PXDN: variants seen among roughly 807,000 people sequenced by gnomAD.
The protein encoded by PXDN is peroxidasin homolog.
Under a neutral mutation model 140.3 loss-of-function variants are expected in PXDN, and 77 were observed. The ratio of observed to expected loss-of-function variants is 0.55; its 90% CI spans 0.46 to 0.66. The LOEUF is 0.66. Ranked by LOEUF, PXDN falls within the 30% of genes least tolerant of loss-of-function variation. PXDN has a pLI of 0.00. For missense variants in PXDN, 1,838 were observed against 2,039.5 expected (o/e 0.90, Z 1.90); for synonymous variants, 911 against 857.4 (o/e 1.06, Z -1.09).
intron 8 of PXDN, 58 bp downstream of exon 8, chr2:1,676,869 G>A (rs1162941356): frequency 1.3e-6 from 2 of 1,493,684 alleles, no homozygotes; most frequent in East Asian, 2.4e-5. Context: ...TGTGGTTTGG[G>A]TGTCTGAGTG....
At chr2:1,699,790 C>A (rs74864432) in intron 1 of PXDN, among the ~76,000 whole-genome samples, 3 of 152,088 alleles carry the variant, frequency 2.0e-5, no homozygotes, top group Non-Finnish European at 2.9e-5. Flanking sequence ...TACACTATAT[C>A]GTTCGGTTCG....
In PXDN at chr2:1,675,347, C is replaced by T. The variant is rs193061210; in HGVS notation, c.849-1535G>A. On this transcript the variant is annotated intron_variant, in intron 8 of 22. Transcript: ENST00000252804. ...ATATTTAGCTGTGAGATTTCAACTG[C>T]GGGCATCAATTTTTTCGTATATAAA... 4.5e-3 allele frequency among the ~76,000 whole-genome samples: 690 copies of T among 152,290 alleles called. 2 individuals carry two copies. The highest frequency in any genetic ancestry group is 8.0e-3 in the Non-Finnish European group (541 of 68,030).
chr2:1,677,039 G>A lies in PXDN; in HGVS notation c.736C>T (p.Pro246Ser). The A allele has an allele frequency of 1.3e-6, 2 of 1,593,360 alleles. No individual in the cohort carries two copies. The highest frequency in any genetic ancestry group is 1.7e-6 in the Non-Finnish European group (2 of 1,166,996). The change falls in exon 8 of 23, where the codon CCC becomes TCC. Residue 246 changes from proline (P) to serine (S), a missense_variant. Pro to Ser is a moderately conservative substitution (Grantham distance 74). Coordinates refer to ENST00000252804, the MANE Select transcript of PXDN (RefSeq NM_012293.3). ...ITPEELNCER[P>S]RITSEPQDAD... ...TCCTGGGGCTCGGAGGTGATCCGGG[G>A]CCTTTCTGTGCCCAACCAGAAAATG...
chr2:1,704,925 T>C (rs987615709), intron 1 of PXDN, among the ~76,000 whole-genome samples: 14 of 152,104 alleles, frequency 9.2e-5, no homozygotes, highest in East Asian at 1.9e-4. Context: ...GGAGCAACCA[T>C]TATCACATGA....
chr2:1,658,796 C>A (rs779065751), intron 14 of PXDN, among the ~76,000 whole-genome samples: 2 of 138,494 alleles, frequency 1.4e-5, no homozygotes, highest in African/African-American at 2.8e-5. Flanking sequence ...GACCCCCCCA[C>A]TCTACTCTCC....
intron 13 of PXDN, among the ~76,000 whole-genome samples, 190 bp downstream of exon 13, chr2:1,661,882 T>G (rs1249948850): frequency 6.6e-6 from 1 of 152,218 alleles, no homozygotes; most frequent in Non-Finnish European, 1.5e-5. Flanking sequence ...ATGTTTTTCT[T>G]TCTGCTACAG....
Position 1,693,108 on chromosome 2 carries a change from T to C in PXDN, c.227A>G (p.Glu76Gly), listed in dbSNP as rs767982785. 9 of 1,558,360 alleles carry C rather than the reference T, an allele frequency of 5.8e-6. No individual in the cohort carries two copies. The highest frequency in any genetic ancestry group is 7.8e-6 in the Non-Finnish European group (9 of 1,149,436). ...CCGCCTGAATGCCCCAGGTTGGATC[T>C]CTCTGATTCTGTTAAAGCGAAGATC... Reference protein sequence around the residue: ...ILDLRFNRIREIQPGAFRRLR... With the variant: ...ILDLRFNRIRGIQPGAFRRLR... The change falls in exon 2 of 23, where the codon GAG becomes GGG. Residue 76 changes from glutamate to glycine, a missense_variant. Around this residue, in one of 5 missense-constraint regions of PXDN, gnomAD observed 231 missense variants for 201.5 expected, o/e 1.15. Transcript: ENST00000252804.
chr2:1,738,906 T>C (rs1685477474), intron 1 of PXDN, among the ~76,000 whole-genome samples: 1 of 152,244 alleles, frequency 6.6e-6, no homozygotes, highest in African/African-American at 2.4e-5. Flanking sequence ...AGACTGGAAT[T>C]CTGTCTTTGT....
Position 1,653,650 on chromosome 2 carries a change from C to T in PXDN, c.2082G>A (p.Leu694=). The T allele has an allele frequency of 6.2e-7, 1 of 1,612,810 alleles. No homozygotes were observed. The highest frequency in any genetic ancestry group is 1.6e-4 in the Middle Eastern group (1 of 6,062). The part of the protein sequence containing the change: ...QLIQEHVQHG[L]MVDLNGTSYH... ...GACTTGTTCCGTTGAGGTCGACCAT[C>T]AAGCCATGCTGTACATGCTCCTGAA... Residue 694 remains leucine, a synonymous_variant, in exon 16 of 23, where the codon TTG becomes TTA. Transcript: ENST00000252804.
At chr2:1,718,718 TC>T (rs1435159485) in intron 1 of PXDN, among the ~76,000 whole-genome samples, 1 of 152,168 alleles carries the variant, frequency 6.6e-6, no homozygotes, top group Non-Finnish European at 1.5e-5. Flanking sequence ...GCGTGTGTGG[TC>T]CCTTTACGGC....
At chr2:1,684,409 A>G (rs1230568799) in intron 4 of PXDN, among the ~76,000 whole-genome samples, 3 of 152,202 alleles carry the variant, frequency 2.0e-5, no homozygotes, top group African/African-American at 7.2e-5. Flanking sequence ...GAGGTCCTTG[A>G]CACCGCGTGA....
chr2:1,744,136 C>A, intron 1 of PXDN, 120 bp downstream of exon 1: 2 of 1,057,220 alleles, frequency 1.9e-6, no homozygotes, highest in Non-Finnish European at 2.5e-6. Context: ...AGTCCCCAGG[C>A]CCCCCGCGCG....
At chr2:1,666,569 T>C in intron 9 of PXDN, 83 bp from the exon 10 acceptor site, 1 of 1,436,440 alleles carries the variant, frequency 7.0e-7, no homozygotes, top group African/African-American at 1.4e-5. Flanking sequence ...GTCAGGCTAT[T>C]AATTCTATTT....
chr2:1,677,323 C>T (rs569345046), intron 7 of PXDN, among the ~76,000 whole-genome samples: 11 of 152,336 alleles, frequency 7.2e-5, no homozygotes, highest in South Asian at 2.1e-4. Context: ...TGACAGCCTT[C>T]GGCGTCCCCT....
chr2:1,639,012 T>C lies in PXDN; in HGVS notation c.4074-34A>G, dbSNP rs372454985. 1.9e-6 allele frequency: 3 copies of C among 1,610,956 alleles called. No individual in the cohort carries two copies. The highest frequency in any genetic ancestry group is 1.7e-4 in the Middle Eastern group (1 of 5,982). On this transcript the variant is annotated intron_variant, in intron 20 of 22. Transcript: ENST00000252804. The surrounding 1 kb of genome is among the most constrained non-coding windows in gnomAD (Gnocchi z 5.0). ...AGGGGAAAGGAGGAGGAGGGAAATA[T>C]AACCTTGGCAGGTCACGCCGGGTCT...
chr2:1,694,773 C>T (rs1057165047), intron 1 of PXDN, among the ~76,000 whole-genome samples: 2 of 152,152 alleles, frequency 1.3e-5, no homozygotes, highest in African/African-American at 2.4e-5. Context: ...GAGGAAGACA[C>T]GGGAGGGGAA....
Position 1,649,607 on chromosome 2 carries a change from C to A in PXDN, c.2173G>T (p.Ala725Ser). 6.2e-7 allele frequency: 1 copy of A among 1,613,994 alleles called. No homozygotes were observed. Among genetic ancestry groups the A allele is most frequent in the Non-Finnish European group, 8.5e-7 (1 of 1,179,888 alleles). ...GAGCAGTTGTTCACGCGCCGGTGGGCGGTACAGCCCGACAGGTTTGCGATG... is the reference window on the plus strand; with the variant it reads ...GAGCAGTTGTTCACGCGCCGGTGGGAGGTACAGCCCGACAGGTTTGCGATG... Reference protein sequence around the residue: ...NLIANLSGCTAHRRVNNCSDM... With the variant: ...NLIANLSGCTSHRRVNNCSDM... The change falls in exon 17 of 23, where the codon GCC becomes TCC. Residue 725 changes from alanine to serine, a missense_variant. Physicochemically the swap from Ala to Ser is moderately conservative, Grantham distance 99. Around this residue, in one of 5 missense-constraint regions of PXDN, gnomAD observed 537 missense variants for 583.9 expected, o/e 0.92. Transcript: ENST00000252804. The surrounding 1 kb of genome is among the most constrained non-coding windows in gnomAD (Gnocchi z 7.1).
intron 9 of PXDN, chr2:1,669,700 A>G (rs1203188582): frequency 6.6e-6 from 1 of 152,124 alleles, no homozygotes; most frequent in East Asian, 1.9e-4. Flanking sequence ...ATTAGCCAGT[A>G]TGGTGGTGCA....
chr2:1,643,689 G>T, intron 18 of PXDN, 113 bp from the exon 19 acceptor site: 1 of 1,067,500 alleles, frequency 9.4e-7, no homozygotes. Flanking sequence ...AAACCACTAG[G>T]TTTGATTAGG....
Sources: allele counts gnomAD v4.1 joint callset (sites outside exome capture counted in the v4.1 genomes callset), GRCh38; gene constraint gnomAD v4.1.1; regional missense constraint gnomAD v4.1.1; non-coding constraint Gnocchi (gnomAD v3.1); transcripts MANE v1.5; gene names NCBI Gene and HGNC (gene_info 2026-07-23, HGNC 2026-07-21).